Variants in OR2M3 observed in about 807,000 individuals in gnomAD.
OR2M3 encodes olfactory receptor family 2 subfamily M member 3.
Under a neutral mutation model 4.3 loss-of-function variants are expected in OR2M3, and 1 was observed. That is an observed-to-expected ratio of 0.23 (90% CI 0.08 to 1.11). The LOEUF is 1.11. Ranked by LOEUF, OR2M3 falls within the 50% of genes most tolerant of loss-of-function variation. OR2M3 has a pLI of 0.54. For missense variants in OR2M3, 410 were observed against 390.4 expected (o/e 1.05, Z -0.42); for synonymous variants, 151 against 139.4 (o/e 1.08, Z -0.59).
rs558435490 is a variant in OR2M3 at position 248,203,030 on chromosome 1, C to A, written c.-18-20C>A. 39 of 1,566,890 alleles carry A rather than the reference C, an allele frequency of 2.5e-5. No individual in the cohort carries two copies. Among genetic ancestry groups the A allele is most frequent in the Non-Finnish European group, 3.1e-5 (36 of 1,154,448 alleles). On this transcript the variant is annotated intron_variant, in intron 1 of 1. Transcript: ENST00000641626. The stretch of plus-strand genomic sequence containing the variant: ...TGAGTAAAGTTTTACCAAATTAATA[C>A]GCTGGTTTTGTGGTACTAGGTAAAA...
rs761589397 is a variant in OR2M3 at position 248,205,389 on chromosome 1, C to A, written c.*1383C>A. ...CCTAAGCCAATGTCTACAAGGATTT[C>A]TCTGATGTTATCTTCTGGAATCTTT... On this transcript the variant is annotated 3_prime_UTR_variant, in exon 2 of 2. Coordinates refer to ENST00000641626, the MANE Select transcript of OR2M3 (RefSeq NM_001004689.2). 6.6e-6 allele frequency: 1 copy of A among 151,894 alleles called. No homozygotes were observed. The highest frequency in any genetic ancestry group is 1.5e-5 in the Non-Finnish European group (1 of 67,878). The allele number at this position is 151,894 out of a possible 1,614,324, so 9.4% of individuals were successfully genotyped here. A position where few individuals can be genotyped will look rare whatever the true frequency, so the allele number is the denominator to read the frequency against.
At chr1:248,201,131 A>T (rs1666152224) in intron 1 of OR2M3, among the ~76,000 whole-genome samples, 1 of 152,196 alleles carries the variant, frequency 6.6e-6, no homozygotes, top group South Asian at 2.1e-4. Flanking sequence ...ATCTCATACA[A>T]TAAAATCTAA....
In OR2M3 at chr1:248,212,287, T is replaced by C. The variant is rs934488010; in HGVS notation, c.*8281T>C. On this transcript the variant is annotated 3_prime_UTR_variant, in exon 2 of 2. Coordinates refer to ENST00000641626, the MANE Select transcript of OR2M3 (RefSeq NM_001004689.2). ...CTCTAGAATATGCATCACAACCATT[T>C]ATATATTAGGTAGAAAGAAAGAAAG... is the stretch of plus-strand genomic sequence containing the variant. 1.3e-5 allele frequency: 2 copies of C among 152,020 alleles called. No individual in the cohort carries two copies. Among genetic ancestry groups the C allele is most frequent in the Non-Finnish European group, 2.9e-5 (2 of 67,946 alleles). The allele number at this position is 152,020 out of a possible 1,614,324, so 9.4% of individuals were successfully genotyped here.
Position 248,212,745 on chromosome 1 carries a change from G to A in OR2M3, c.*8739G>A, listed in dbSNP as rs1666294543. On this transcript the variant is annotated 3_prime_UTR_variant, in exon 2 of 2. Transcript: ENST00000641626. ...TATGAAAAACAGAAACCAGGCTCCT[G>A]TCTTTGTTTCCAGTCTCACCTACTT... 6.6e-6 allele frequency: 1 copy of A among 151,858 alleles called. No homozygotes were observed. Among genetic ancestry groups the A allele is most frequent in the African/African-American group, 2.4e-5 (1 of 41,374 alleles). The allele number at this position is 151,858 out of a possible 1,614,324, so 9.4% of individuals were successfully genotyped here.
At chr1:248,200,376 C>A (rs1322132308) in intron 1 of OR2M3, among the ~76,000 whole-genome samples, 1 of 152,090 alleles carries the variant, frequency 6.6e-6, no homozygotes, top group African/African-American at 2.4e-5. Context: ...GTCTTTCCCC[C>A]TGATTGACTT....
Position 248,204,332 on chromosome 1 carries a change from G to A in OR2M3, c.*326G>A. Reference sequence around the variant, plus strand: ...TAGTGATGATTTCTGAGATTTTGGTGCACCCATCACCCAAGCAGTATTCAC... The same window carrying A: ...TAGTGATGATTTCTGAGATTTTGGTACACCCATCACCCAAGCAGTATTCAC... On this transcript the variant is annotated 3_prime_UTR_variant, in exon 2 of 2. Coordinates refer to ENST00000641626, the MANE Select transcript of OR2M3 (RefSeq NM_001004689.2). The A allele has an allele frequency of 4.7e-6, 1 of 211,976 alleles. No individual in the cohort carries two copies. Among genetic ancestry groups the A allele is most frequent in the East Asian group, 1.3e-4 (1 of 7,664 alleles). 13.1% of individuals were successfully genotyped at this position (211,976 alleles called of 1,614,324 possible). A position where few individuals can be genotyped will look rare whatever the true frequency, so the allele number is the denominator to read the frequency against.
rs181523633 is a variant in OR2M3 at position 248,202,793 on chromosome 1, T to C, written c.-18-257T>C. ...AAAAAAAAAAACTCCATCCATTATT[T>C]ATTAGATACTATAATTCTAATTTTT... On this transcript the variant is annotated intron_variant, in intron 1 of 1. Coordinates refer to ENST00000641626, the MANE Select transcript of OR2M3 (RefSeq NM_001004689.2). 1.2e-3 allele frequency among the ~76,000 whole-genome samples: 190 copies of C among 152,236 alleles called. 4 individuals are homozygous for C. Among genetic ancestry groups the C allele is most frequent in the Admixed American group, 0.012 (190 of 15,274 alleles).
rs1167145430 is a variant in OR2M3, at chr1:248,206,428, CT to C, written c.*2423del. On this transcript the variant is annotated 3_prime_UTR_variant, in exon 2 of 2. Transcript: ENST00000641626. ...TTTTCCCCTTTCAGTATAATGTTTG[CT>C]GTGGATTTCTCATAGAAGGCTTTGA... 6.6e-6 allele frequency: 1 copy of C among 151,964 alleles called. No individual in the cohort carries two copies. The highest frequency in any genetic ancestry group is 1.5e-5 in the Non-Finnish European group (1 of 67,964). The allele number at this position is 151,964 out of a possible 1,614,324, so 9.4% of individuals were successfully genotyped here.
Position 248,203,928 on chromosome 1 carries a change from C to G in OR2M3, c.861C>G (p.Pro287=), listed in dbSNP as rs1666195412. ...CCATCCTCACTCCCATGTTGAATCC[C>G]CTCATCTACAGCCTCCGCAACAAGG... ...FYTILTPMLN[P]LIYSLRNKEV... Residue 287 remains proline, a synonymous_variant, in exon 2 of 2, where the codon CCC becomes CCG. Transcript: ENST00000641626. 1 of 1,613,868 alleles carries G rather than the reference C, an allele frequency of 6.2e-7. No individual in the cohort carries two copies. The highest frequency in any genetic ancestry group is 1.1e-5 in the South Asian group (1 of 91,062).
In OR2M3 at chr1:248,203,147, T is replaced by A; in HGVS notation, c.80T>A (p.Leu27His). The change falls in exon 2 of 2, where the codon CTC (leucine) becomes CAC (histidine). Residue 27 changes from leucine to histidine, a missense_variant. By Grantham distance (99) the Leu-to-His change is moderately conservative. Transcript: ENST00000641626. ...IFNHSPTHTF[L>H]FFLVLAIFSV... ...AATCACAGCCCCACCCACACCTTCC[T>A]CTTCTTTCTGGTCCTGGCCATCTTT... 12 of 1,613,998 alleles carry A rather than the reference T, an allele frequency of 7.4e-6. No individual in the cohort carries two copies. Among genetic ancestry groups the A allele is most frequent in the Non-Finnish European group, 1.0e-5 (12 of 1,179,956 alleles).
intron 1 of OR2M3, among the ~76,000 whole-genome samples, chr1:248,201,962 G>A (rs1666162158): frequency 6.6e-6 from 1 of 152,002 alleles, no homozygotes; most frequent in Non-Finnish European, 1.5e-5. Flanking sequence ...TGGAAAGAGT[G>A]GATTTCATGC....
rs1666261813 is a variant in OR2M3, at chr1:248,209,896, C to T, written c.*5890C>T. ...GTGATGGGTGAGGCCATAGAGGTAA[C>T]AAGAGATTATGACGTTTGTCTTCAG... is the stretch of plus-strand genomic sequence containing the variant. On this transcript the variant is annotated 3_prime_UTR_variant, in exon 2 of 2. Coordinates refer to ENST00000641626, the MANE Select transcript of OR2M3 (RefSeq NM_001004689.2). 6.6e-6 allele frequency: 1 copy of T among 152,134 alleles called. No homozygotes were observed. Among genetic ancestry groups the T allele is most frequent in the South Asian group, 2.1e-4 (1 of 4,820 alleles). The allele number at this position is 152,134 out of a possible 1,614,324, so 9.4% of individuals were successfully genotyped here.
Position 248,199,568 on chromosome 1 carries a change from T to C in OR2M3, c.-19+2267T>C, listed in dbSNP as rs146761837. Among the ~76,000 whole-genome samples, 348 of 152,232 alleles carry C rather than the reference T, an allele frequency of 2.3e-3. 1 individual carries two copies. The highest frequency in any genetic ancestry group is 7.6e-3 in the African/African-American group (316 of 41,558). ...TCAGAGTTGGATCTCATATTCCTAG[T>C]GCCTAAATTAAGCACAATCTGTCAT... is the stretch of plus-strand genomic sequence containing the variant. On this transcript the variant is annotated intron_variant, in intron 1 of 1. Coordinates refer to ENST00000641626, the MANE Select transcript of OR2M3 (RefSeq NM_001004689.2).
intron 1 of OR2M3, among the ~76,000 whole-genome samples, chr1:248,198,990 G>T (rs1666127616): frequency 6.6e-6 from 1 of 151,978 alleles, no homozygotes; most frequent in Non-Finnish European, 1.5e-5. Flanking sequence ...TGTTACTATT[G>T]CTCTGGGCCT....
At position 248,212,224 on chromosome 1, in the gene OR2M3, T is replaced by C. The variant is rs1165959305; in HGVS notation, c.*8218T>C. 5.9e-5 allele frequency: 9 copies of C among 152,078 alleles called. No individual in the cohort carries two copies. The highest frequency in any genetic ancestry group is 1.3e-4 in the Non-Finnish European group (9 of 67,972). The allele number at this position is 152,078 out of a possible 1,614,324, so 9.4% of individuals were successfully genotyped here. On this transcript the variant is annotated 3_prime_UTR_variant, in exon 2 of 2. Transcript: ENST00000641626. ...AAGAAGTATACTAATAGCCATCAAA[T>C]ATTTTAAATATTAATTCATAATGCT...
At chr1:248,200,420 G>C (rs1666143061) in intron 1 of OR2M3, among the ~76,000 whole-genome samples, 1 of 151,996 alleles carries the variant, frequency 6.6e-6, no homozygotes, top group African/African-American at 2.4e-5. Flanking sequence ...ACAACACAAG[G>C]GAACCCTGTG....
In OR2M3 at chr1:248,203,936, A is replaced by G. The variant is rs747024705; in HGVS notation, c.869A>G (p.Tyr290Cys). Reference protein sequence around the residue: ...ILTPMLNPLIYSLRNKEVTRA... With the variant: ...ILTPMLNPLICSLRNKEVTRA... The stretch of plus-strand genomic sequence containing the variant: ...ACTCCCATGTTGAATCCCCTCATCT[A>G]CAGCCTCCGCAACAAGGAGGTGACC... The change falls in exon 2 of 2, where the codon TAC (tyrosine) becomes TGC (cysteine). Residue 290 changes from tyrosine to cysteine, a missense_variant. Coordinates refer to ENST00000641626, the MANE Select transcript of OR2M3 (RefSeq NM_001004689.2). The G allele has an allele frequency of 4.3e-6, 7 of 1,613,840 alleles. No homozygotes were observed. The East Asian group carries it at 1.3e-4, about 31-fold the overall frequency.
rs552211163 is a variant in OR2M3, at chr1:248,205,886, G to A, written c.*1880G>A. 2 of 152,150 alleles carry A rather than the reference G, an allele frequency of 1.3e-5. No homozygotes were observed. Among genetic ancestry groups the A allele is most frequent in the Admixed American group, 6.5e-5 (1 of 15,284 alleles). The allele number at this position is 152,150 out of a possible 1,614,324, so 9.4% of individuals were successfully genotyped here. ...TTTGTAAATTGCTTTTGGCAGCATGGTCATTTTTACAATATTGTTTCTACC... is the reference window on the plus strand; with the variant it reads ...TTTGTAAATTGCTTTTGGCAGCATGATCATTTTTACAATATTGTTTCTACC... On this transcript the variant is annotated 3_prime_UTR_variant, in exon 2 of 2. Coordinates refer to ENST00000641626, the MANE Select transcript of OR2M3 (RefSeq NM_001004689.2).
Position 248,208,749 on chromosome 1 carries a change from C to T in OR2M3, c.*4743C>T, listed in dbSNP as rs1666249824. ...TTTACAGGTTACCTGATGCTTTTCTCTCACGGCTGACATTTTTTCCTTTGC... is the reference window on the plus strand; with the variant it reads ...TTTACAGGTTACCTGATGCTTTTCTTTCACGGCTGACATTTTTTCCTTTGC... On this transcript the variant is annotated 3_prime_UTR_variant, in exon 2 of 2. Coordinates refer to ENST00000641626, the MANE Select transcript of OR2M3 (RefSeq NM_001004689.2). The T allele has an allele frequency of 1.3e-5, 2 of 152,144 alleles. No individual in the cohort carries two copies. 9.4% of individuals were successfully genotyped at this position (152,144 alleles called of 1,614,324 possible).
Sources: gnomAD v4.1 joint callset for allele counts (sites outside exome capture counted in the v4.1 genomes callset) on GRCh38, gnomAD v4.1.1 for gene constraint, MANE v1.5 for transcripts, NCBI Gene and HGNC (gene_info 2026-07-23, HGNC 2026-07-21) for gene names.